SOX5: variants seen among roughly 807,000 people sequenced by gnomAD.
SOX5 encodes the protein SRY-box transcription factor 5.
In SOX5, 9 loss-of-function variants were observed where a neutral mutation model predicts 92.0. The ratio of observed to expected loss-of-function variants is 0.10; its 90% confidence interval spans 0.06 to 0.17. The LOEUF (loss-of-function observed/expected upper bound fraction) is 0.17. SOX5 is among the 10% of genes least tolerant of loss of function. The pLI is 1.00. For missense variants in SOX5, 642 were observed against 944.5 expected (o/e 0.68, Z 4.20); for synonymous variants, 344 against 336.3 (o/e 1.02, Z -0.25).
intron 1 of SOX5, among the ~76,000 whole-genome samples, chr12:24,428,410 C>T (rs1035651379): frequency 6.6e-6 from 1 of 150,944 alleles, no homozygotes; most frequent in African/African-American, 2.5e-5. Context: ...GAAAAGAGAA[C>T]AGTCCTTTCA....
intron 2 of SOX5, among the ~76,000 whole-genome samples, chr12:24,293,827 G>A (rs1244707549): frequency 3.3e-5 from 5 of 152,116 alleles, no homozygotes; most frequent in Non-Finnish European, 7.4e-5. Context: ...GAAAAGGGCT[G>A]TTTATGTTAA....
At chr12:24,547,278 G>A (rs1001464854) in intron 1 of SOX5, among the ~76,000 whole-genome samples, 6 of 144,566 alleles carry the variant, frequency 4.2e-5, no homozygotes, top group Middle Eastern at 3.9e-3. Context: ...TGCAAGCTCC[G>A]CTTCCCGGGT....
intron 4 of SOX5, among the ~76,000 whole-genome samples, chr12:24,148,202 A>G (rs1565533393): frequency 6.6e-6 from 1 of 152,204 alleles, no homozygotes; most frequent in Non-Finnish European, 1.5e-5. Flanking sequence ...AGTGGCATAA[A>G]AAGGGACAAA....
intron 7 of SOX5, 105 bp from the exon 8 acceptor site, chr12:23,641,002 G>C: frequency 4.2e-6 from 3 of 716,900 alleles, no homozygotes; most frequent in Non-Finnish European, 7.0e-6. Flanking sequence ...TGTGTGCCTT[G>C]CTGAGGCCTA....
chr12:24,033,444 A>T (rs1265725826), intron 4 of SOX5, among the ~76,000 whole-genome samples: 1 of 151,994 alleles, frequency 6.6e-6, no homozygotes, highest in Non-Finnish European at 1.5e-5. Flanking sequence ...ATCCCAGCTT[A>T]AAAAAATAAA....
intron 4 of SOX5, among the ~76,000 whole-genome samples, chr12:24,143,753 T>C (rs953924076): frequency 6.6e-6 from 1 of 151,682 alleles, no homozygotes; most frequent in Middle Eastern, 3.2e-3. Flanking sequence ...CTCTGGGAAC[T>C]GTGCATTCTT....
intron 4 of SOX5, among the ~76,000 whole-genome samples, chr12:24,059,628 A>G (rs1203568051): frequency 2.0e-5 from 3 of 152,110 alleles, no homozygotes; most frequent in Non-Finnish European, 4.4e-5. Context: ...CCCCTCCCAT[A>G]GGAAGCCCAT....
At chr12:23,895,614 A>G (rs1356532998) in intron 2 of SOX5, among the ~76,000 whole-genome samples, 179 bp downstream of exon 2, 1 of 152,240 alleles carries the variant, frequency 6.6e-6, no homozygotes, top group Non-Finnish European at 1.5e-5. Flanking sequence ...AAACGAAAAC[A>G]GCGTATCTTA....
intron 1 of SOX5, among the ~76,000 whole-genome samples, chr12:24,549,052 T>G (rs892622277): frequency 2.6e-5 from 4 of 152,192 alleles, no homozygotes; most frequent in Admixed American, 6.5e-5. Flanking sequence ...TCCCTCCCTC[T>G]TTGGAAACCT....
chr12:24,177,440 G>A (rs1057104336), intron 4 of SOX5, among the ~76,000 whole-genome samples: 2 of 152,042 alleles, frequency 1.3e-5, no homozygotes, highest in African/African-American at 4.8e-5. Flanking sequence ...TACTTTATGG[G>A]GTATTGTCTA....
At chr12:23,557,420 T>C (rs1250749234) in intron 11 of SOX5, among the ~76,000 whole-genome samples, 1 of 152,230 alleles carries the variant, frequency 6.6e-6, no homozygotes, top group Non-Finnish European at 1.5e-5. Flanking sequence ...CATTATATGT[T>C]TATATTCCAG....
chr12:23,664,925 G>C (rs11829784), intron 7 of SOX5, among the ~76,000 whole-genome samples: 41,492 of 151,976 alleles, frequency 0.27, 5,841 homozygotes, highest in African/African-American at 0.33. Context: ...TCAGGCAAGC[G>C]CTCCCTAATC....
chr12:24,557,412 AAAG>A (rs1477820679), intron 1 of SOX5, among the ~76,000 whole-genome samples: 6 of 151,162 alleles, frequency 4.0e-5, no homozygotes, highest in African/African-American at 4.9e-5. Flanking sequence ...AAAAAAAAAA[AAAG>A]AAAGAAAGAA....
chr12:23,913,533 C>A (rs982380319), intron 1 of SOX5, among the ~76,000 whole-genome samples: 5 of 151,698 alleles, frequency 3.3e-5, no homozygotes, highest in African/African-American at 4.8e-5. Flanking sequence ...GTCGGGAGTT[C>A]GAGACCAGCC....
At position 24,024,943 on chromosome 12, in the gene SOX5, A is replaced by C. The variant is rs10505925; in HGVS notation, c.-1-128919T>G. Among the ~76,000 whole-genome samples the C allele has an allele frequency of 5.1e-3, 780 of 152,134 alleles. 7 individuals are homozygous for C. The highest frequency in any genetic ancestry group is 0.018 in the African/African-American group (756 of 41,540). On this transcript the variant is annotated intron_variant, in intron 4 of 4. Coordinates refer to the SOX5 transcript ENST00000446891. ...AGAGGTGATTTCTCTGAACAAGATAACCTATATGCATATAAAAAGTGACTA... is the reference window on the plus strand; with the variant it reads ...AGAGGTGATTTCTCTGAACAAGATACCCTATATGCATATAAAAAGTGACTA...
chr12:24,431,214 G>A (rs1441113775), intron 1 of SOX5, among the ~76,000 whole-genome samples: 2 of 152,112 alleles, frequency 1.3e-5, no homozygotes, highest in East Asian at 1.9e-4. Context: ...GTGAGTAAGC[G>A]ATAAAACTCA....
chr12:24,112,558 T>A (rs1947494680), intron 4 of SOX5, among the ~76,000 whole-genome samples: 1 of 125,846 alleles, frequency 7.9e-6, no homozygotes, highest in South Asian at 2.8e-4. Context: ...TGAGGCAGGA[T>A]CTCGCTCTGT....
intron 6 of SOX5, among the ~76,000 whole-genome samples, chr12:23,726,050 C>A (rs1232248100): frequency 6.6e-6 from 1 of 151,008 alleles, no homozygotes; most frequent in African/African-American, 2.4e-5. Flanking sequence ...CTCATCTTTT[C>A]TTTCCCAATT....
At chr12:24,502,214 A>T (rs555487282) in intron 1 of SOX5, among the ~76,000 whole-genome samples, 2 of 152,238 alleles carry the variant, frequency 1.3e-5, no homozygotes, top group African/African-American at 4.8e-5. Context: ...AGCTTCAACC[A>T]AGGAGATTCC....
Sources: allele counts gnomAD v4.1 joint callset (sites outside exome capture counted in the v4.1 genomes callset), GRCh38; gene constraint gnomAD v4.1.1; transcripts MANE v1.5; gene names NCBI Gene and HGNC (gene_info 2026-07-23, HGNC 2026-07-21).